Variants in WDR91 observed in about 807,000 individuals in gnomAD.
WDR91 encodes the protein WD repeat domain 91, also known as WD repeat-containing protein 91.
A neutral mutation model predicts 88.4 loss-of-function variants in WDR91; 52 were observed. That is an observed-to-expected ratio of 0.59 (90% CI 0.47 to 0.74). WDR91 has a LOEUF of 0.74. Among genes scored for constraint, WDR91 ranks in the 30% least tolerant of loss-of-function variants. The pLI, the probability that WDR91 is intolerant of heterozygous loss-of-function variation, is 0.00. For missense variants in WDR91, 824 were observed against 954.5 expected (o/e 0.86, Z 1.80); for synonymous variants, 362 against 389.5 (o/e 0.93, Z 0.83).
intron 6 of WDR91, chr7:135,199,830 A>AT (rs3837067): frequency 0.68 from 103,329 of 152,004 alleles, 35,838 homozygotes; most frequent in Admixed American, 0.79. Context: ...AGAGTGCTCA[A>AT]TCAATTGGTG....
Position 135,204,445 on chromosome 7 carries a change from A to T in WDR91, c.726-12T>A. On this transcript the variant is annotated splice_polypyrimidine_tract_variant and intron_variant, in intron 5 of 14. Transcript: ENST00000354475. ...TGCACACCATGGCACTGGTCAGCAAACACACCACAGGGTCAGAGGGCTGAA... is the reference window on the plus strand; with the variant it reads ...TGCACACCATGGCACTGGTCAGCAATCACACCACAGGGTCAGAGGGCTGAA... 2 of 1,613,758 alleles carry T rather than the reference A, an allele frequency of 1.2e-6. No homozygotes were observed. The highest frequency in any genetic ancestry group is 1.7e-6 in the Non-Finnish European group (2 of 1,179,752).
chr7:135,194,834 AG>A, intron 9 of WDR91, 99 bp downstream of exon 9: 1 of 1,474,298 alleles, frequency 6.8e-7, no homozygotes, highest in African/African-American at 1.4e-5. Context: ...GAGAGAAGGG[AG>A]GGGAACTGGC....
At chr7:135,195,953 GAA>G in intron 8 of WDR91, among the ~76,000 whole-genome samples, 189 bp downstream of exon 8, 1 of 139,058 alleles carries the variant, frequency 7.2e-6, no homozygotes. Flanking sequence ...TCTCAATAAG[GAA>G]AAAAAAAAAA....
Position 135,206,932 on chromosome 7 carries a change from C to T in WDR91, c.594+188G>A, listed in dbSNP as rs1431581163. 5 of 323,924 alleles carry T rather than the reference C, an allele frequency of 1.5e-5. 1 individual carries two copies. The East Asian group carries it at 3.7e-4, about 24-fold the overall frequency. 20.1% of individuals were successfully genotyped at this position (323,924 alleles called of 1,614,324 possible). The stretch of plus-strand genomic sequence containing the variant: ...CATATCTGACTTAAAATATGAATCT[C>T]GCCTCTGGTTTTCAGAGACTGTTAC... On this transcript the variant is annotated intron_variant, in intron 4 of 14. Transcript: ENST00000354475.
Position 135,198,170 on chromosome 7 carries a change from G to A in WDR91, c.892-19C>T. On this transcript the variant is annotated intron_variant, in intron 6 of 14. Coordinates refer to ENST00000354475, the MANE Select transcript of WDR91 (RefSeq NM_014149.4). ...TGGTGCCCTAGAGGAAAAGAAGCTG[G>A]CTGTGAAGTCTCTTCCCATCTGCCC... 1 of 1,605,066 alleles carries A rather than the reference G, an allele frequency of 6.2e-7. No homozygotes were observed. Among genetic ancestry groups the A allele is most frequent in the Non-Finnish European group, 8.5e-7 (1 of 1,175,736 alleles).
rs902231056 is a variant in WDR91, at chr7:135,196,800, A to G, written c.1051-463T>C. 2.0e-5 allele frequency among the ~76,000 whole-genome samples: 3 copies of G among 152,190 alleles called. No homozygotes were observed. Among genetic ancestry groups the G allele is most frequent in the African/African-American group, 7.2e-5 (3 of 41,454 alleles). On this transcript the variant is annotated intron_variant, in intron 7 of 14. Transcript: ENST00000354475. The surrounding 1 kb of genome is among the most constrained non-coding windows in gnomAD (Gnocchi z 4.2). Reference sequence around the variant, plus strand: ...AAAGAGAAGCCAAATCCCTTGCCCAAAGTCATATGGCTGGCAAGGGGGAGA... The same window carrying G: ...AAAGAGAAGCCAAATCCCTTGCCCAGAGTCATATGGCTGGCAAGGGGGAGA...
chr7:135,211,490 C>T lies in WDR91; in HGVS notation c.13G>A (p.Val5Met). 6.2e-7 allele frequency: 1 copy of T among 1,611,220 alleles called. No homozygotes were observed. The highest frequency in any genetic ancestry group is 8.5e-7 in the Non-Finnish European group (1 of 1,178,914). ...CGGACCAGCTCGTCAGTGCGCTCCA[C>T]GGCCTCCGCCATCGCAGCGCTAGCG... MAEA[V>M]ERTDELVREY... Residue 5 changes from valine (V) to methionine (M), a missense_variant, in exon 1 of 15, where the codon GTG becomes ATG. Physicochemically the swap from Val to Met is conservative, Grantham distance 21 (BLOSUM62 1). Coordinates refer to ENST00000354475, the MANE Select transcript of WDR91 (RefSeq NM_014149.4).
chr7:135,196,045 A>G lies in WDR91; in HGVS notation c.1244+99T>C. On this transcript the variant is annotated intron_variant, in intron 8 of 14. Coordinates refer to ENST00000354475, the MANE Select transcript of WDR91 (RefSeq NM_014149.4). This position sits in a 1 kb window ranked among gnomAD's most constrained non-coding sequence, Gnocchi z 4.2. ...CTGCCATGACTGTGGCCCTCGTCCA[A>G]GCCCCCATTCTCCGCCATCTCCTGC... 8.1e-7 allele frequency: 1 copy of G among 1,238,684 alleles called. No individual in the cohort carries two copies. The highest frequency in any genetic ancestry group is 1.1e-6 in the Non-Finnish European group (1 of 914,270). 76.7% of individuals were successfully genotyped at this position (1,238,684 alleles called of 1,614,324 possible).
rs183579448 is a variant in WDR91 at position 135,189,481 on chromosome 7, G to A, written c.1660-29C>T. The A allele has an allele frequency of 3.7e-4, 586 of 1,595,174 alleles. 2 individuals are homozygous for A. In the African/African-American group the frequency reaches 6.9e-3, roughly 19 times the overall value. On this transcript the variant is annotated intron_variant, in intron 11 of 14. Coordinates refer to ENST00000354475, the MANE Select transcript of WDR91 (RefSeq NM_014149.4). ...TTGAAATAAAACAAAAATGTCAGTAGCAGATCTTCACTCAGCCCAGGCACG... is the reference window on the plus strand; with the variant it reads ...TTGAAATAAAACAAAAATGTCAGTAACAGATCTTCACTCAGCCCAGGCACG...
chr7:135,192,544 C>G (rs1831209042), intron 11 of WDR91, among the ~76,000 whole-genome samples: 1 of 152,004 alleles, frequency 6.6e-6, no homozygotes, highest in Non-Finnish European at 1.5e-5. Context: ...AGAGGTCTGA[C>G]AGACCCAAAG....
intron 3 of WDR91, among the ~76,000 whole-genome samples, chr7:135,207,842 G>A (rs550909237): frequency 2.0e-5 from 3 of 152,238 alleles, no homozygotes; most frequent in Non-Finnish European, 4.4e-5. Context: ...GAGCCCATAT[G>A]TGTGTAAGCT....
In WDR91 at chr7:135,186,075, G is replaced by A. The variant is rs1040483073; in HGVS notation, c.*76C>T. ...CTGGCAGGGAGCTGGAGTGGAGCAC[G>A]TGGTTTTCCTGTCCTATATCTCCTC... is the stretch of plus-strand genomic sequence containing the variant. On this transcript the variant is annotated 3_prime_UTR_variant, in exon 15 of 15. Transcript: ENST00000354475. 145 of 1,460,914 alleles carry A rather than the reference G, an allele frequency of 9.9e-5. 1 individual carries two copies. The highest frequency in any genetic ancestry group is 1.8e-4 in the Admixed American group (7 of 39,292). The allele number at this position is 1,460,914 out of a possible 1,614,324, so 90.5% of individuals were successfully genotyped here. A position where few individuals can be genotyped will look rare whatever the true frequency, so the allele number is the denominator to read the frequency against.
intron 11 of WDR91, among the ~76,000 whole-genome samples, chr7:135,191,564 C>T (rs190028609): frequency 1.9e-4 from 27 of 143,638 alleles, no homozygotes; most frequent in African/African-American, 6.0e-4. Context: ...GAGATTGTGC[C>T]GCTGCACTCC....
In WDR91 at chr7:135,193,686, G is replaced by A; in HGVS notation, c.1396-14C>T. The A allele has an allele frequency of 6.2e-7, 1 of 1,612,116 alleles. No homozygotes were observed. Among genetic ancestry groups the A allele is most frequent in the Non-Finnish European group, 8.5e-7 (1 of 1,178,626 alleles). On this transcript the variant is annotated splice_polypyrimidine_tract_variant and intron_variant, in intron 9 of 14. Coordinates refer to ENST00000354475, the MANE Select transcript of WDR91 (RefSeq NM_014149.4). ...GCCCAGCAAGAGCTGGAATGACAAG[G>A]GGCGGGAGGTGGGAAGGATAGCATG...
chr7:135,199,718 G>A (rs1831500811), intron 6 of WDR91: 1 of 152,258 alleles, frequency 6.6e-6, no homozygotes, highest in African/African-American at 2.4e-5. Flanking sequence ...AAGCAAAGGT[G>A]GGAACTGTTA....
At position 135,188,413 on chromosome 7, in the gene WDR91, T is replaced by C; in HGVS notation, c.1881+20A>G. On this transcript the variant is annotated intron_variant, in intron 13 of 14. Transcript: ENST00000354475. ...CATGTCATCCCGGTGCTCTCTTATC[T>C]GAATCCTGCAGCCGCCTACCTTCCC... 6.2e-7 allele frequency: 1 copy of C among 1,608,594 alleles called. No individual in the cohort carries two copies. Among genetic ancestry groups the C allele is most frequent in the Non-Finnish European group, 8.5e-7 (1 of 1,175,072 alleles).
At position 135,198,239 on chromosome 7, in the gene WDR91, G is replaced by T. The variant is rs1421464401; in HGVS notation, c.892-88C>A. ...CAGGAGTGGTCAGCCCTGGGCGGGGGGGCGTGGTGGGTTGGGGGCAGGTGG... is the reference window on the plus strand; with the variant it reads ...CAGGAGTGGTCAGCCCTGGGCGGGGTGGCGTGGTGGGTTGGGGGCAGGTGG... On this transcript the variant is annotated intron_variant, in intron 6 of 14. Coordinates refer to ENST00000354475, the MANE Select transcript of WDR91 (RefSeq NM_014149.4). 6.8e-6 allele frequency: 10 copies of T among 1,476,936 alleles called. No individual in the cohort carries two copies. In the African/African-American group the frequency reaches 1.1e-4, roughly 17 times the overall value. 91.5% of individuals were successfully genotyped at this position (1,476,936 alleles called of 1,614,324 possible). A position where few individuals can be genotyped will look rare whatever the true frequency, so the allele number is the denominator to read the frequency against.
chr7:135,208,145 G>A (rs1446552284), intron 3 of WDR91, among the ~76,000 whole-genome samples: 2 of 152,148 alleles, frequency 1.3e-5, no homozygotes, highest in African/African-American at 4.8e-5. Flanking sequence ...CCCCATTCAA[G>A]CCAGACTCCC....
chr7:135,209,029 GA>G, intron 2 of WDR91, 31 bp from the exon 3 acceptor site: 1 of 1,597,210 alleles, frequency 6.3e-7, no homozygotes, highest in Middle Eastern at 1.7e-4. Flanking sequence ...AGCAAGGAGG[GA>G]GGAGAGACAG....
Sources: allele counts gnomAD v4.1 joint callset (sites outside exome capture counted in the v4.1 genomes callset), GRCh38; gene constraint gnomAD v4.1.1; non-coding constraint Gnocchi (gnomAD v3.1); transcripts MANE v1.5; gene names NCBI Gene and HGNC (gene_info 2026-07-23, HGNC 2026-07-21).